Variants in ELAPOR2 observed in about 807,000 individuals in gnomAD.
ELAPOR2 encodes endosome-lysosome associated apoptosis and autophagy regulator family member 2.
Under a neutral mutation model 120.7 loss-of-function variants are expected in ELAPOR2, and 89 were observed. That is an observed-to-expected ratio of 0.74 (90% CI 0.62 to 0.88). The LOEUF (loss-of-function observed/expected upper bound fraction) is 0.88, where lower values mean the gene tolerates loss of function less well. Ranked by LOEUF, ELAPOR2 falls within the 40% of genes least tolerant of loss-of-function variation. The probability of loss-of-function intolerance (pLI) is 0.00; values close to 1 mark genes in which losing one functional copy is unlikely to be tolerated. For synonymous variants in ELAPOR2, 444 were observed against 444.9 expected (o/e 1.00, Z 0.03); for missense variants, 1,134 against 1,251.6 (o/e 0.91, Z 1.42).
At chr7:86,917,394 G>A (rs1199809077) in intron 12 of ELAPOR2, among the ~76,000 whole-genome samples, 2 of 152,098 alleles carry the variant, frequency 1.3e-5, no homozygotes, top group African/African-American at 2.4e-5. Context: ...TCCAGCCTGG[G>A]CAACAGAGTG....
Position 86,927,015 on chromosome 7 carries a change from G to A in ELAPOR2, c.1090-99C>T, listed in dbSNP as rs1034654121. On this transcript the variant is annotated intron_variant, in intron 8 of 21. Transcript: ENST00000450689. Reference sequence around the variant, plus strand: ...TATAGGAAAAGTACAAATGGTGACAGAATAGAAGGGCCAGCTGACAGAATC... The same window carrying A: ...TATAGGAAAAGTACAAATGGTGACAAAATAGAAGGGCCAGCTGACAGAATC... The A allele has an allele frequency of 1.1e-5, 12 of 1,067,654 alleles. No homozygotes were observed. The African/African-American group carries it at 1.5e-4, about 13-fold the overall frequency. The allele number at this position is 1,067,654 out of a possible 1,614,324, so 66.1% of individuals were successfully genotyped here.
At chr7:86,988,180 C>A (rs1792820871) in intron 1 of ELAPOR2, among the ~76,000 whole-genome samples, 2 of 152,092 alleles carry the variant, frequency 1.3e-5, no homozygotes, top group Non-Finnish European at 2.9e-5. Flanking sequence ...GGGAATATCA[C>A]ACACCAGGGC....
At chr7:87,049,823 T>C (rs1196215173) in intron 1 of ELAPOR2, among the ~76,000 whole-genome samples, 2 of 152,190 alleles carry the variant, frequency 1.3e-5, no homozygotes, top group African/African-American at 2.4e-5. Context: ...TCCGTGAAGG[T>C]TGATATGTTA....
intron 18 of ELAPOR2, among the ~76,000 whole-genome samples, chr7:86,902,129 G>A (rs1268250480): frequency 6.6e-6 from 1 of 152,108 alleles, no homozygotes; most frequent in African/African-American, 2.4e-5. Flanking sequence ...GCATCCTCAT[G>A]TGGTGGAAGG....
At chr7:87,005,583 C>T (rs1340770726) in intron 1 of ELAPOR2, among the ~76,000 whole-genome samples, 1 of 152,098 alleles carries the variant, frequency 6.6e-6, no homozygotes, top group African/African-American at 2.4e-5. Flanking sequence ...AAAATCAAAG[C>T]CATATTTGTA....
intron 2 of ELAPOR2, among the ~76,000 whole-genome samples, chr7:86,963,291 T>C (rs1791785786): frequency 6.6e-6 from 1 of 152,146 alleles, no homozygotes; most frequent in Non-Finnish European, 1.5e-5. Flanking sequence ...TGAGCAAAAA[T>C]GTCTCTGGCA....
chr7:86,891,642 C>CT (rs1788163832), intron 21 of ELAPOR2, 82 bp downstream of exon 21: 2 of 1,162,164 alleles, frequency 1.7e-6, no homozygotes, highest in East Asian at 5.0e-5. Flanking sequence ...AAAATAACAG[C>CT]TTGCGTGAAT....
intron 1 of ELAPOR2, among the ~76,000 whole-genome samples, chr7:87,001,011 T>C (rs1635012): frequency 0.38 from 57,487 of 151,998 alleles, 11,724 homozygotes; most frequent in African/African-American, 0.53. Flanking sequence ...AATAAGATCA[T>C]GTGTATCAGG....
intron 1 of ELAPOR2, among the ~76,000 whole-genome samples, chr7:87,047,519 G>T (rs1281593784): frequency 6.6e-6 from 1 of 152,128 alleles, no homozygotes; most frequent in Non-Finnish European, 1.5e-5. Flanking sequence ...ATGGGCAAAG[G>T]ATTTCAATAG....
intron 1 of ELAPOR2, among the ~76,000 whole-genome samples, chr7:87,001,671 G>A (rs760128647): frequency 1.2e-4 from 18 of 152,104 alleles, no homozygotes; most frequent in Non-Finnish European, 2.4e-4. Context: ...TACAAGGGCT[G>A]TTCTCATAGA....
chr7:86,881,058 T>A (rs1379205824), intron 21 of ELAPOR2, among the ~76,000 whole-genome samples: 2 of 152,198 alleles, frequency 1.3e-5, no homozygotes, highest in African/African-American at 2.4e-5. Context: ...ATTAAACAAG[T>A]CATCTTTGAT....
chr7:87,042,636 T>C (rs1794822671), intron 1 of ELAPOR2, among the ~76,000 whole-genome samples: 1 of 151,960 alleles, frequency 6.6e-6, no homozygotes, highest in Non-Finnish European at 1.5e-5. Flanking sequence ...TTTACAGCAC[T>C]AAATGCCCAC....
At chr7:86,963,800 ACTT>A (rs1480535615) in intron 2 of ELAPOR2, among the ~76,000 whole-genome samples, 1 of 152,054 alleles carries the variant, frequency 6.6e-6, no homozygotes, top group Non-Finnish European at 1.5e-5. Flanking sequence ...ACTTGCATCA[ACTT>A]CTTCTATACA....
intron 1 of ELAPOR2, among the ~76,000 whole-genome samples, chr7:86,995,434 T>C (rs1363384436): frequency 1.3e-5 from 2 of 152,220 alleles, no homozygotes; most frequent in African/African-American, 4.8e-5. Context: ...TAACAGAAAC[T>C]ACTAGAGTTG....
chr7:86,932,515 G>C (rs1790371845), intron 8 of ELAPOR2, among the ~76,000 whole-genome samples: 1 of 151,746 alleles, frequency 6.6e-6, no homozygotes, highest in South Asian at 2.1e-4. Context: ...ACACTGCACA[G>C]GTTACTCTGC....
intron 1 of ELAPOR2, among the ~76,000 whole-genome samples, chr7:87,000,365 G>T (rs1793277503): frequency 6.6e-6 from 1 of 151,336 alleles, no homozygotes; most frequent in African/African-American, 2.4e-5. Flanking sequence ...TCAGAAAAGA[G>T]AAAGTTCCCA....
chr7:87,052,265 T>C (rs1211099741), intron 1 of ELAPOR2, among the ~76,000 whole-genome samples: 1 of 152,172 alleles, frequency 6.6e-6, no homozygotes, highest in Non-Finnish European at 1.5e-5. Context: ...CTCACAATCA[T>C]TGTGGAAGGT....
chr7:86,970,607 T>C (rs1256787541), intron 1 of ELAPOR2, among the ~76,000 whole-genome samples: 1 of 152,198 alleles, frequency 6.6e-6, no homozygotes, highest in East Asian at 1.9e-4. Flanking sequence ...CATTCTACTA[T>C]GTGGAAAGGC....
intron 1 of ELAPOR2, among the ~76,000 whole-genome samples, chr7:87,033,182 C>G (rs780755300): frequency 6.6e-6 from 1 of 152,160 alleles, no homozygotes; most frequent in Non-Finnish European, 1.5e-5. Context: ...TCTATCCCAG[C>G]TTTATGGCTC....
Sources: gnomAD v4.1 joint callset for allele counts (sites outside exome capture counted in the v4.1 genomes callset) on GRCh38, gnomAD v4.1.1 for gene constraint, MANE v1.5 for transcripts, NCBI Gene and HGNC (gene_info 2026-07-23, HGNC 2026-07-21) for gene names.